The following GLIS3 variants were observed in gnomAD, a reference collection of about 807,000 sequenced individuals.
The protein encoded by GLIS3 is GLIS family zinc finger 3.
GLIS3 carries 53 observed loss-of-function variants against 78.6 expected under a neutral mutation model. The observed-to-expected ratio is 0.67, with a 90% CI of 0.54 to 0.85. The LOEUF (loss-of-function observed/expected upper bound fraction) is 0.85. Among genes scored for constraint, GLIS3 ranks in the 40% least tolerant of loss-of-function variants. The probability of loss-of-function intolerance (pLI) is 0.00; values close to 1 mark genes in which losing one functional copy is unlikely to be tolerated. For missense variants in GLIS3, 1,703 were observed against 1,231.1 expected, an observed-to-expected ratio of 1.38 and a Z score of -5.74; for synonymous variants, 684 against 509.9, an observed-to-expected ratio of 1.34 and a Z score of -4.60.
chr9:4,275,200 C>T (rs1335836711), intron 2 of GLIS3, among the ~76,000 whole-genome samples: 3 of 152,086 alleles, frequency 2.0e-5, no homozygotes, highest in Admixed American at 1.3e-4. Flanking sequence ...TAACTCCTCC[C>T]GAGTAGGCAA....
At chr9:4,147,649 G>A (rs1008994494) in intron 2 of GLIS3, 2 of 140,714 alleles carry the variant, frequency 1.4e-5, no homozygotes, top group African/African-American at 5.4e-5. Flanking sequence ...CAAATGCAGA[G>A]TAAGAAACAA....
chr9:3,957,854 C>A (rs1417582702), intron 4 of GLIS3, among the ~76,000 whole-genome samples: 1 of 152,206 alleles, frequency 6.6e-6, no homozygotes, highest in Admixed American at 6.5e-5. Context: ...TATTGCAAGG[C>A]TGTGCAAAAT....
intron 4 of GLIS3, among the ~76,000 whole-genome samples, chr9:3,945,540 C>G (rs1816234676): frequency 6.6e-6 from 1 of 152,154 alleles, no homozygotes; most frequent in African/African-American, 2.4e-5. Context: ...GATAGACATA[C>G]ATGCAGAATA....
chr9:4,446,421 A>G, the GLIS3 span, among the ~76,000 whole-genome samples: 5 of 152,004 alleles, frequency 3.3e-5, no homozygotes, highest in South Asian at 1.0e-3. Context: ...TGAGAAATAA[A>G]TTTCTATTAT....
At chr9:4,198,922 GA>G (rs1563741979) in intron 2 of GLIS3, among the ~76,000 whole-genome samples, 2 of 152,160 alleles carry the variant, frequency 1.3e-5, no homozygotes, top group African/African-American at 4.8e-5. Flanking sequence ...CATTCTTAAA[GA>G]AAAGAAATTC....
At chr9:4,079,442 C>T (rs190757766) in intron 4 of GLIS3, among the ~76,000 whole-genome samples, 2 of 152,270 alleles carry the variant, frequency 1.3e-5, no homozygotes, top group East Asian at 1.9e-4. Flanking sequence ...AAAGGGAGCC[C>T]ACCACCTGAA....
intron 7 of GLIS3, among the ~76,000 whole-genome samples, chr9:3,887,695 A>G (rs951346665): frequency 6.6e-6 from 1 of 152,202 alleles, no homozygotes; most frequent in Non-Finnish European, 1.5e-5. Context: ...CTGCAATACA[A>G]CTAGAAGATA....
chr9:4,393,395 C>T, the GLIS3 span, among the ~76,000 whole-genome samples: 1 of 152,134 alleles, frequency 6.6e-6, no homozygotes, highest in Non-Finnish European at 1.5e-5. Context: ...TATATAACTA[C>T]ACTGTGATTA....
At chr9:4,435,413 G>A in the GLIS3 span, among the ~76,000 whole-genome samples, 73 of 152,214 alleles carry the variant, frequency 4.8e-4, no homozygotes, top group Admixed American at 4.6e-4. Flanking sequence ...GCAGATCCTC[G>A]CTTTTTCACT....
chr9:4,408,634 G>A, the GLIS3 span, among the ~76,000 whole-genome samples: 5 of 145,338 alleles, frequency 3.4e-5, no homozygotes, highest in African/African-American at 1.3e-4. Context: ...GGCTGAGGCA[G>A]GAGAATGGCG....
chr9:4,125,734 C>T lies in GLIS3; in HGVS notation c.596G>A (p.Arg199Lys). ...ANLNIPPSDT[R>K]SLISRESLAS... ...GGGGAAAAAAAAGTTAACTTGAGAC[C>T]TGGTATCTGAAGGAGGTATATTCAG... Residue 199 changes from arginine to lysine, a missense_variant and splice_region_variant, in exon 3 of 11, where the codon AGG becomes AAG. Arg to Lys is a conservative substitution (Grantham distance 26). Coordinates refer to ENST00000381971, the MANE Select transcript of GLIS3 (RefSeq NM_001042413.2). 6.2e-7 allele frequency: 1 copy of T among 1,612,158 alleles called. No individual in the cohort carries two copies. The highest frequency in any genetic ancestry group is 8.5e-7 in the Non-Finnish European group (1 of 1,179,004).
At chr9:4,350,894 C>G (rs114230473), upstream of GLIS3, among the ~76,000 whole-genome samples, 1 of 152,146 alleles carries the variant, frequency 6.6e-6, no homozygotes. Flanking sequence ...GAACCAGCTA[C>G]GTAATTTTGG....
chr9:4,101,069 G>C (rs1237965116), intron 4 of GLIS3, among the ~76,000 whole-genome samples: 2 of 152,156 alleles, frequency 1.3e-5, no homozygotes, highest in Non-Finnish European at 2.9e-5. Context: ...GGCTGCGGTG[G>C]AACAGAAAAA....
chr9:4,158,055 A>G (rs968999817), intron 2 of GLIS3, among the ~76,000 whole-genome samples: 4 of 152,172 alleles, frequency 2.6e-5, no homozygotes, highest in African/African-American at 9.7e-5. Flanking sequence ...TAACATGCAA[A>G]TTTTATTCTG....
chr9:4,251,158 C>T (rs1369911683), intron 2 of GLIS3, among the ~76,000 whole-genome samples: 1 of 152,166 alleles, frequency 6.6e-6, no homozygotes, highest in Non-Finnish European at 1.5e-5. Context: ...TCCTGAATAT[C>T]CTTGTTCATT....
At chr9:4,366,330 G>A in the GLIS3 span, among the ~76,000 whole-genome samples, 1 of 152,084 alleles carries the variant, frequency 6.6e-6, no homozygotes, top group Non-Finnish European at 1.5e-5. Flanking sequence ...TTAGCTAATT[G>A]CCTAAGCCTG....
intron 2 of GLIS3, among the ~76,000 whole-genome samples, chr9:4,137,868 G>A (rs1450717686): frequency 6.6e-6 from 1 of 152,206 alleles, no homozygotes; most frequent in East Asian, 1.9e-4. Flanking sequence ...AAGAGGAAAT[G>A]TAAGCACATT....
chr9:4,030,910 G>A (rs370314757), intron 4 of GLIS3, among the ~76,000 whole-genome samples: 7 of 152,128 alleles, frequency 4.6e-5, no homozygotes, highest in African/African-American at 1.4e-4. Context: ...AAAGATGCTC[G>A]GCATCATTAG....
chr9:4,298,136 G>C (rs1478546510), intron 1 of GLIS3, among the ~76,000 whole-genome samples: 1 of 152,122 alleles, frequency 6.6e-6, no homozygotes, highest in Non-Finnish European at 1.5e-5. Flanking sequence ...GGGGCCGAAA[G>C]GGTGCTGCGG....
Sources: allele counts gnomAD v4.1 joint callset (sites outside exome capture counted in the v4.1 genomes callset), GRCh38; gene constraint gnomAD v4.1.1; transcripts MANE v1.5; gene names NCBI Gene and HGNC (gene_info 2026-07-23, HGNC 2026-07-21).